ARNT2: variants seen among roughly 807,000 people sequenced by gnomAD.
ARNT2 encodes the protein aryl hydrocarbon receptor nuclear translocator 2, also known as ARNT protein 2.
Under a neutral mutation model 91.7 loss-of-function variants are expected in ARNT2, and 36 were observed. That is an observed-to-expected ratio of 0.39 (90% CI 0.30 to 0.52). The LOEUF (loss-of-function observed/expected upper bound fraction) is 0.52, where lower values mean the gene tolerates loss of function less well. ARNT2 is among the 20% of genes least tolerant of loss of function. The pLI is 0.72. For missense variants in ARNT2, 775 were observed against 939.3 expected (o/e 0.83, Z 2.29); for synonymous variants, 365 against 347.1 (o/e 1.05, Z -0.57).
intron 8 of ARNT2, among the ~76,000 whole-genome samples, chr15:80,549,820 C>G (rs1466841771): frequency 6.6e-6 from 1 of 152,190 alleles, no homozygotes; most frequent in African/African-American, 2.4e-5. Flanking sequence ...ATGCACTTAC[C>G]TTTTGACCCA....
At chr15:80,427,699 A>G (rs930230652) in intron 1 of ARNT2, among the ~76,000 whole-genome samples, 1 of 152,202 alleles carries the variant, frequency 6.6e-6, no homozygotes, top group Non-Finnish European at 1.5e-5. Context: ...CACAGCGAGA[A>G]TCCTTATGAT....
intron 4 of ARNT2, among the ~76,000 whole-genome samples, chr15:80,472,016 A>G (rs1896738790): frequency 1.3e-5 from 2 of 152,178 alleles, no homozygotes; most frequent in Admixed American, 1.3e-4. Flanking sequence ...CTGTGAAATG[A>G]ACATAAAGCT....
intron 14 of ARNT2, among the ~76,000 whole-genome samples, chr15:80,576,596 T>G (rs1259749575): frequency 6.6e-6 from 1 of 152,140 alleles, no homozygotes; most frequent in Non-Finnish European, 1.5e-5. Flanking sequence ...CTTTTAATCT[T>G]CCCCACTCTC....
At chr15:80,504,123 G>C (rs1341542969) in intron 5 of ARNT2, among the ~76,000 whole-genome samples, 1 of 152,236 alleles carries the variant, frequency 6.6e-6, no homozygotes, top group Admixed American at 6.5e-5. Flanking sequence ...TGGGACGCAG[G>C]CTTGGGGAGG....
intron 8 of ARNT2, among the ~76,000 whole-genome samples, chr15:80,524,673 G>A (rs970523812): frequency 6.6e-6 from 1 of 152,026 alleles, no homozygotes; most frequent in African/African-American, 2.4e-5. Flanking sequence ...TCAGCAGATC[G>A]AGACCATCCT....
At chr15:80,587,413 G>A (rs571218743) in intron 17 of ARNT2, among the ~76,000 whole-genome samples, 2 of 151,896 alleles carry the variant, frequency 1.3e-5, no homozygotes, top group African/African-American at 4.8e-5. Context: ...TGGTGGGGGG[G>A]TGGGGTTGCG....
rs1425083916 is a variant in ARNT2 at position 80,576,948 on chromosome 15, C to G, written c.1596C>G (p.His532Gln). 6.2e-7 allele frequency: 1 copy of G among 1,614,098 alleles called. No homozygotes were observed. ...AAGGAAGCCCATTTCCCTCTGGACA[C>G]TCCGGGAAGGCCTTCAGGTATGTGC... ...YSQGSPFPSG[H>Q]SGKAFSSSVV... is the part of the protein sequence containing the mutation. The change falls in exon 15 of 19, where the codon CAC becomes CAG. Residue 532 changes from histidine (H) to glutamine (Q), a missense_variant. Around this residue, in one of 5 missense-constraint regions of ARNT2, gnomAD observed 325 missense variants for 359.9 expected, o/e 0.90. Coordinates refer to ENST00000303329, the MANE Select transcript of ARNT2 (RefSeq NM_014862.4).
intron 8 of ARNT2, among the ~76,000 whole-genome samples, chr15:80,515,256 T>C (rs970679892): frequency 2.6e-5 from 4 of 152,158 alleles, no homozygotes; most frequent in African/African-American, 9.7e-5. Flanking sequence ...CAATTTTCAC[T>C]CCTAAATATA....
At chr15:80,433,535 C>G (rs1410432742) in intron 1 of ARNT2, among the ~76,000 whole-genome samples, 1 of 152,000 alleles carries the variant, frequency 6.6e-6, no homozygotes, top group East Asian at 1.9e-4. Flanking sequence ...ATCCACCCAC[C>G]ACCTCCCCCC....
chr15:80,515,252 T>C (rs1444058478), intron 8 of ARNT2, among the ~76,000 whole-genome samples: 1 of 152,226 alleles, frequency 6.6e-6, no homozygotes, highest in Non-Finnish European at 1.5e-5. Context: ...TCAGCAATTT[T>C]CACTCCTAAA....
intron 1 of ARNT2, among the ~76,000 whole-genome samples, chr15:80,447,100 G>A (rs1896316918): frequency 6.6e-6 from 1 of 152,086 alleles, no homozygotes; most frequent in Admixed American, 6.5e-5. Context: ...TAACATATTA[G>A]TGTGTTTCTA....
At position 80,458,712 on chromosome 15, in the gene ARNT2, A is replaced by G. The variant is rs78204337; in HGVS notation, c.194+736A>G. ...TTTAAGATATGGTAGGAAGTTTGGC[A>G]GTGTTGACAGGAAGGCACAAATCAT... On this transcript the variant is annotated intron_variant, in intron 3 of 18. Transcript: ENST00000303329. Among the ~76,000 whole-genome samples, 757 of 151,560 alleles carry G rather than the reference A, an allele frequency of 5.0e-3. 3 individuals are homozygous for G. The highest frequency in any genetic ancestry group is 0.018 in the African/African-American group (736 of 41,284).
intron 4 of ARNT2, among the ~76,000 whole-genome samples, chr15:80,474,730 A>G (rs1197944348): frequency 6.6e-6 from 1 of 152,076 alleles, no homozygotes; most frequent in Non-Finnish European, 1.5e-5. Context: ...GTGATCACTC[A>G]TTGCTCTCCC....
At chr15:80,502,884 A>C (rs1016329500) in intron 5 of ARNT2, among the ~76,000 whole-genome samples, 1 of 152,188 alleles carries the variant, frequency 6.6e-6, no homozygotes, top group Non-Finnish European at 1.5e-5. Flanking sequence ...CCGGTTGTTT[A>C]GGCACTGACT....
chr15:80,482,345 GTTAAA>G (rs1896903274), intron 5 of ARNT2, among the ~76,000 whole-genome samples: 1 of 152,180 alleles, frequency 6.6e-6, no homozygotes, highest in African/African-American at 2.4e-5. Flanking sequence ...CTGGCGTTTT[GTTAAA>G]CCTTCCCAGG....
intron 5 of ARNT2, among the ~76,000 whole-genome samples, chr15:80,501,384 G>A (rs961178237): frequency 2.6e-5 from 4 of 152,186 alleles, no homozygotes; most frequent in African/African-American, 9.7e-5. Context: ...GAACAGGCAT[G>A]CATAGAAAAA....
chr15:80,470,519 A>G (rs1212777685), intron 4 of ARNT2, 88 bp downstream of exon 4: 24 of 1,372,004 alleles, frequency 1.7e-5, no homozygotes, highest in Non-Finnish European at 2.4e-5. Context: ...ACCAGGGCTC[A>G]AGGTTGAGGA....
intron 2 of ARNT2, 53 bp from the exon 3 acceptor site, chr15:80,457,876 A>G: frequency 1.3e-6 from 2 of 1,591,072 alleles, no homozygotes; most frequent in Non-Finnish European, 1.7e-6. Context: ...TCCTGTTACC[A>G]GTTAAAATGT....
intron 18 of ARNT2, among the ~76,000 whole-genome samples, chr15:80,592,800 A>G (rs1353020725): frequency 6.6e-6 from 1 of 152,256 alleles, no homozygotes. Context: ...ATTTCCTGAC[A>G]TGGATCTTCA....
Sources: allele counts gnomAD v4.1 joint callset (sites outside exome capture counted in the v4.1 genomes callset), GRCh38; gene constraint gnomAD v4.1.1; regional missense constraint gnomAD v4.1.1; transcripts MANE v1.5; gene names NCBI Gene and HGNC (gene_info 2026-07-23, HGNC 2026-07-21).